The following CCDC171 variants were observed in gnomAD, a reference collection of about 807,000 sequenced individuals.
CCDC171 encodes coiled-coil domain containing 171.
CCDC171 carries 177 observed loss-of-function variants against 168.2 expected under a neutral mutation model. That is an observed-to-expected ratio of 1.05 (90% CI 0.93 to 1.19). The LOEUF is 1.19. Among genes scored for constraint, CCDC171 ranks in the 50% most tolerant of loss-of-function variants. CCDC171 has a pLI of 0.00. For synonymous variants in CCDC171, 687 were observed against 540.8 expected, an observed-to-expected ratio of 1.27 and a Z score of -3.75; for missense variants, 1,991 against 1,539.0, an observed-to-expected ratio of 1.29 and a Z score of -4.91.
chr9:15,733,557 GT>G (rs1322138576), intron 16 of CCDC171, among the ~76,000 whole-genome samples: 1 of 141,658 alleles, frequency 7.1e-6, no homozygotes, highest in Non-Finnish European at 1.5e-5. Flanking sequence ...AATTGCCCTT[GT>G]ACCTTTATCA....
At chr9:16,020,594 C>T (rs1564123057) in exon 4 of CCDC171, 1 of 154,348 alleles carries the variant, frequency 6.5e-6, no homozygotes, top group Non-Finnish European at 1.5e-5. Context: ...GCCAGCAGCA[C>T]TACGTTTGCA....
intron 16 of CCDC171, among the ~76,000 whole-genome samples, chr9:15,730,544 C>T (rs1192529693): frequency 6.6e-6 from 1 of 151,764 alleles, no homozygotes; most frequent in Non-Finnish European, 1.5e-5. Flanking sequence ...GTTGTATATT[C>T]TTCCCATGGT....
intron 1 of CCDC171, among the ~76,000 whole-genome samples, chr9:15,562,023 C>T (rs1378171887): frequency 6.6e-6 from 1 of 151,904 alleles, no homozygotes; most frequent in South Asian, 2.1e-4. Context: ...AAGATGGAGT[C>T]TTACTCTGTA....
chr9:15,577,256 T>G (rs1328164969), intron 3 of CCDC171, among the ~76,000 whole-genome samples: 1 of 152,254 alleles, frequency 6.6e-6, no homozygotes, highest in Non-Finnish European at 1.5e-5. Flanking sequence ...TCTGACTGTC[T>G]TGAACTGAGA....
At chr9:15,777,971 T>G in intron 19 of CCDC171, 145 bp downstream of exon 19, 1 of 594,604 alleles carries the variant, frequency 1.7e-6, no homozygotes, top group Non-Finnish European at 2.8e-6. Context: ...ATACACTAAA[T>G]TACTTCCAAA....
chr9:16,008,052 C>G (rs1016128509), intron 3 of CCDC171, among the ~76,000 whole-genome samples: 1 of 152,074 alleles, frequency 6.6e-6, no homozygotes, highest in African/African-American at 2.4e-5. Context: ...TTTATAGTGT[C>G]CTTTGAAGCA....
At chr9:15,635,842 G>A (rs985805367) in intron 7 of CCDC171, among the ~76,000 whole-genome samples, 5 of 152,164 alleles carry the variant, frequency 3.3e-5, no homozygotes, top group African/African-American at 1.2e-4. Context: ...GTAACTATAT[G>A]GTTAACATTT....
chr9:15,591,491 C>A lies in CCDC171; in HGVS notation c.478C>A (p.Gln160Lys), dbSNP rs771599790. Residue 160 changes from glutamine (Q) to lysine (K), a missense_variant, in exon 5 of 26, where the codon CAA (glutamine) becomes AAA (lysine). Gln to Lys is a moderately conservative substitution (Grantham distance 53). Transcript: ENST00000380701. ...HDLEERDNMI[Q>K]NCNREYDLLM... ...TTTGGAGGAAAGAGACAATATGATC[C>A]AAAATTGCAATCGAGAATATGATTT... 1 of 1,604,744 alleles carries A rather than the reference C, an allele frequency of 6.2e-7. No homozygotes were observed. The highest frequency in any genetic ancestry group is 1.1e-5 in the South Asian group (1 of 89,236).
intron 6 of CCDC171, among the ~76,000 whole-genome samples, chr9:15,597,925 A>C (rs2042504602): frequency 6.6e-6 from 1 of 151,986 alleles, no homozygotes; most frequent in Non-Finnish European, 1.5e-5. Flanking sequence ...TTTCTAGTTT[A>C]TTTGCATAGA....
intron 10 of CCDC171, among the ~76,000 whole-genome samples, chr9:15,688,758 T>C (rs2050585156): frequency 6.6e-6 from 1 of 152,166 alleles, no homozygotes; most frequent in East Asian, 1.9e-4. Flanking sequence ...CATTTAATGG[T>C]AAAAGACTGA....
chr9:15,784,431 C>T, intron 20 of CCDC171, 78 bp from the exon 21 acceptor site: 1 of 856,098 alleles, frequency 1.2e-6, no homozygotes, highest in South Asian at 2.2e-5. Flanking sequence ...GTATTATATT[C>T]CTTTAGTTTT....
At position 15,849,701 on chromosome 9, in the gene CCDC171, A is replaced by T. The variant is rs61698576; in HGVS notation, c.3468+754A>T. On this transcript the variant is annotated intron_variant, in intron 23 of 25. Coordinates refer to ENST00000380701, the MANE Select transcript of CCDC171 (RefSeq NM_173550.4). Reference sequence around the variant, plus strand: ...GCAAATTATTAGAAATGCAAACATTAAGTACTTTAAAGATACATGGAATTT... The same window carrying T: ...GCAAATTATTAGAAATGCAAACATTTAGTACTTTAAAGATACATGGAATTT... 4.0e-3 allele frequency among the ~76,000 whole-genome samples: 607 copies of T among 151,914 alleles called. 9 individuals carry two copies. The highest frequency in any genetic ancestry group is 0.013 in the African/African-American group (552 of 41,546).
At chr9:16,047,631 T>C (rs1314498992) in intron 1 of CCDC171, among the ~76,000 whole-genome samples, 1 of 152,206 alleles carries the variant, frequency 6.6e-6, no homozygotes, top group Admixed American at 6.5e-5. Context: ...TCCAGTAGTT[T>C]AGCCAGACAC....
chr9:15,581,412 C>G (rs1265403531), intron 4 of CCDC171, among the ~76,000 whole-genome samples: 1 of 152,080 alleles, frequency 6.6e-6, no homozygotes. Context: ...GCTTTCTTCA[C>G]AGAACTGGAA....
intron 18 of CCDC171, among the ~76,000 whole-genome samples, chr9:15,750,093 G>A (rs1168038725): frequency 6.6e-6 from 1 of 150,676 alleles, no homozygotes; most frequent in Non-Finnish European, 1.5e-5. Flanking sequence ...TAATAAGAAA[G>A]AGAGAAGAAT....
At chr9:16,071,022 G>T in the CCDC171 span, among the ~76,000 whole-genome samples, 1 of 152,162 alleles carries the variant, frequency 6.6e-6, no homozygotes, top group Non-Finnish European at 1.5e-5. Context: ...GAATTTTTGG[G>T]ACAAGGAATT....
At position 15,987,347 on chromosome 9, in the gene CCDC171, C is replaced by T. The variant is rs571674071; in HGVS notation, n.369-33242C>T. Among the ~76,000 whole-genome samples the T allele has an allele frequency of 8.5e-5, 13 of 152,174 alleles. No homozygotes were observed. The East Asian group carries it at 2.1e-3, about 25-fold the overall frequency. On this transcript the variant is annotated intron_variant and non_coding_transcript_variant, in intron 3 of 9. Transcript: ENST00000486641. ...ACGCTGATTACCTGGGTGACAAAAT[C>T]ATCCATATTCCAAACCCTCATGACA...
intron 25 of CCDC171, among the ~76,000 whole-genome samples, chr9:15,958,079 A>G (rs1829976430): frequency 6.6e-6 from 1 of 152,194 alleles, no homozygotes; most frequent in South Asian, 2.1e-4. Flanking sequence ...TTTTCTTTAG[A>G]ATATGGATTA....
rs756651653 is a variant in CCDC171, at chr9:15,591,404, G to A, written c.391G>A (p.Glu131Lys). Residue 131 changes from glutamate (E) to lysine (K), a missense_variant, in exon 5 of 26, where the codon GAG (glutamate) becomes AAG (lysine). Coordinates refer to ENST00000380701, the MANE Select transcript of CCDC171 (RefSeq NM_173550.4). ...SELQAKTNET[E>K]KAFQTSQQKW... ...ACTTCAAGCAAAGACAAATGAGACT[G>A]AGAAAGCATTTCAGACTTCTCAGCA... 8.7e-6 allele frequency: 14 copies of A among 1,607,150 alleles called. No individual in the cohort carries two copies. The highest frequency in any genetic ancestry group is 2.7e-5 in the African/African-American group (2 of 74,390).
Sources: allele counts gnomAD v4.1 joint callset (sites outside exome capture counted in the v4.1 genomes callset), GRCh38; gene constraint gnomAD v4.1.1; transcripts MANE v1.5; gene names NCBI Gene and HGNC (gene_info 2026-07-23, HGNC 2026-07-21).